The following PDE2A variants were observed in gnomAD, a reference collection of about 807,000 sequenced individuals.
PDE2A encodes the protein cGMP-dependent 3',5'-cyclic phosphodiesterase.
Under a neutral mutation model 133.6 loss-of-function variants are expected in PDE2A, and 53 were observed. That is an observed-to-expected ratio of 0.40 (90% confidence interval 0.32 to 0.50). The LOEUF is 0.50. PDE2A is among the 20% of genes least tolerant of loss of function. The probability of loss-of-function intolerance (pLI) is 0.73; values close to 1 mark genes in which losing one functional copy is unlikely to be tolerated. For synonymous variants in PDE2A, 491 were observed against 490.2 expected (o/e 1.00, Z -0.02); for missense variants, 796 against 1,232.4 (o/e 0.65, Z 5.30).
chr11:72,625,787 C>G (rs2047506), intron 2 of PDE2A, among the ~76,000 whole-genome samples: 23,384 of 152,246 alleles, frequency 0.15, 1,897 homozygotes, highest in Middle Eastern at 0.17. Flanking sequence ...AGACTCCCCC[C>G]AGCAAGGGCG....
Position 72,579,584 on chromosome 11 carries a change from C to G in PDE2A, c.2206G>C (p.Ala736Pro). The G allele has an allele frequency of 6.3e-7, 1 of 1,585,030 alleles. No individual in the cohort carries two copies. Among genetic ancestry groups the G allele is most frequent in the Non-Finnish European group, 8.6e-7 (1 of 1,163,872 alleles). Residue 736 changes from alanine to proline, a missense_variant, in exon 26 of 31, where the codon GCC (alanine) becomes CCC (proline). Ala to Pro is a conservative substitution (Grantham distance 27, BLOSUM62 -1). Around this residue, in one of 7 missense-constraint regions of PDE2A, gnomAD observed 218 missense variants for 465.9 expected, o/e 0.47. Transcript: ENST00000334456. ...TTGCAGCCGTGGGTGTTGAGGATGG[C>G]GATGGCCTGAGCAAAGTGGTGCCTC... is the stretch of plus-strand genomic sequence containing the variant. ...MERHHFAQAI[A>P]ILNTHGCNIF...
chr11:72,584,605 T>C lies in PDE2A; in HGVS notation c.1483A>G (p.Thr495Ala). The part of the protein sequence containing the change: ...PLFYRGVDDS[T>A]GFRTRNILCF... The stretch of plus-strand genomic sequence containing the variant: ...AGGATGTTGCGCGTGCGGAAGCCGG[T>C]GCTGTCGTCCACGCCGCGGTAGAAA... Residue 495 changes from threonine to alanine, a missense_variant, in exon 18 of 31, where the codon ACC becomes GCC. By Grantham distance (58) the Thr-to-Ala change is moderately conservative. This residue lies in a region of PDE2A where 218 missense variants were observed against 465.9 expected (regional missense o/e 0.47). Coordinates refer to ENST00000334456, the MANE Select transcript of PDE2A (RefSeq NM_002599.5). 6.2e-7 allele frequency: 1 copy of C among 1,612,762 alleles called. No homozygotes were observed. The highest frequency in any genetic ancestry group is 8.5e-7 in the Non-Finnish European group (1 of 1,180,016).
intron 2 of PDE2A, among the ~76,000 whole-genome samples, chr11:72,626,851 C>T (rs80204040): frequency 7.9e-5 from 12 of 152,288 alleles, no homozygotes; most frequent in Admixed American, 3.9e-4. Context: ...GTTTTGGAGC[C>T]GGGTTCTGAG....
At position 72,590,300 on chromosome 11, in the gene PDE2A, GTC is replaced by G; in HGVS notation, c.704-58_704-57del. 1 of 1,542,148 alleles carries G rather than the reference GTC, an allele frequency of 6.5e-7. No individual in the cohort carries two copies. Among genetic ancestry groups the G allele is most frequent in the Non-Finnish European group, 8.8e-7 (1 of 1,139,148 alleles). On this transcript the variant is annotated intron_variant, in intron 8 of 30. Coordinates refer to ENST00000334456, the MANE Select transcript of PDE2A (RefSeq NM_002599.5). This position sits in a 1 kb window ranked among gnomAD's most constrained non-coding sequence, Gnocchi z 4.8. ...GGCCCCTCCGCACCTCCGTGTCCGG[GTC>G]CCTCAGGCGCCGCTCAGCTCCGCGC...
chr11:72,617,724 G>T (rs939284828), intron 2 of PDE2A, among the ~76,000 whole-genome samples: 6 of 152,172 alleles, frequency 3.9e-5, no homozygotes, highest in Admixed American at 6.5e-5. Flanking sequence ...ACAGGCGGAG[G>T]CTGGAGAGGC....
chr11:72,599,980 G>C (rs1466712849), intron 4 of PDE2A, among the ~76,000 whole-genome samples: 3 of 152,256 alleles, frequency 2.0e-5, no homozygotes, highest in Non-Finnish European at 4.4e-5. Flanking sequence ...CTAAAGGACA[G>C]GCAGAGGTTA....
chr11:72,579,002 G>T lies in PDE2A; in HGVS notation c.2364C>A (p.Tyr788Ter). The T allele has an allele frequency of 6.2e-7, 1 of 1,609,722 alleles. No individual in the cohort carries two copies. Among genetic ancestry groups the T allele is most frequent in the Non-Finnish European group, 8.5e-7 (1 of 1,176,052 alleles). Residue 788 changes from tyrosine (Y) to a stop codon, truncating the protein, a stop_gained, in exon 28 of 31, where the codon TAC becomes TAA. Coordinates refer to ENST00000334456, the MANE Select transcript of PDE2A (RefSeq NM_002599.5). LOFTEE classifies it high-confidence loss of function. Reference sequence around the variant, plus strand: ...TGTGGTGCTGCTTGTTGTTTCGGTCGTAGCCCACTGTTGAGGGGAGGATGG... The same window carrying T: ...TGTGGTGCTGCTTGTTGTTTCGGTCTTAGCCCACTGTTGAGGGGAGGATGG... ...KDLQKMAEVG[Y>*]DRNNKQHHRL...
At chr11:72,666,878 G>A (rs1376119254) in intron 1 of PDE2A, among the ~76,000 whole-genome samples, 2 of 152,186 alleles carry the variant, frequency 1.3e-5, no homozygotes, top group South Asian at 2.1e-4. Flanking sequence ...GGCCAAGGTG[G>A]GTGGATCATT....
intron 2 of PDE2A, among the ~76,000 whole-genome samples, chr11:72,611,914 C>T (rs1418812672): frequency 6.6e-6 from 1 of 152,162 alleles, no homozygotes; most frequent in Non-Finnish European, 1.5e-5. Context: ...GCTCAAATTG[C>T]AAAGCCCATG....
In PDE2A at chr11:72,578,842, C is replaced by T. The variant is rs536397365; in HGVS notation, c.2469+55G>A. The T allele has an allele frequency of 1.3e-4, 149 of 1,137,496 alleles. No homozygotes were observed. The African/African-American group carries it at 1.8e-3, about 14-fold the overall frequency. The allele number at this position is 1,137,496 out of a possible 1,614,324, so 70.5% of individuals were successfully genotyped here. ...AGAGGGTATTCAGGCACAGGGGGCACCCAAAGCTGGGCAGGGTGGGCAGCC... is the reference window on the plus strand; with the variant it reads ...AGAGGGTATTCAGGCACAGGGGGCATCCAAAGCTGGGCAGGGTGGGCAGCC... On this transcript the variant is annotated intron_variant, in intron 28 of 30. Coordinates refer to ENST00000334456, the MANE Select transcript of PDE2A (RefSeq NM_002599.5). This position sits in a 1 kb window ranked among gnomAD's most constrained non-coding sequence, Gnocchi z 4.2.
intron 1 of PDE2A, among the ~76,000 whole-genome samples, chr11:72,648,340 G>C (rs775271383): frequency 1.3e-5 from 2 of 152,180 alleles, no homozygotes; most frequent in Non-Finnish European, 2.9e-5. Flanking sequence ...CTCTGTGTCC[G>C]CTGGCTATGG....
rs145571186 is a variant in PDE2A, at chr11:72,642,184, G to A, written c.144+70C>T. 2,069 of 1,370,858 alleles carry A rather than the reference G, an allele frequency of 1.5e-3. 28 individuals carry two copies. In the African/African-American group the frequency reaches 0.027, roughly 18 times the overall value. The allele number at this position is 1,370,858 out of a possible 1,614,324, so 84.9% of individuals were successfully genotyped here. ...TCTCCTCCCTGAGAAGGGTTCGGGGGCGGGCAGACCCGGCCCGGCGCTCGC... is the reference window on the plus strand; with the variant it reads ...TCTCCTCCCTGAGAAGGGTTCGGGGACGGGCAGACCCGGCCCGGCGCTCGC... On this transcript the variant is annotated intron_variant, in intron 2 of 30. Coordinates refer to ENST00000334456, the MANE Select transcript of PDE2A (RefSeq NM_002599.5).
chr11:72,584,518 G>A, intron 18 of PDE2A, 33 bp downstream of exon 18: 2 of 1,556,976 alleles, frequency 1.3e-6, no homozygotes, highest in Non-Finnish European at 1.7e-6. Flanking sequence ...CCCGGCGCAG[G>A]CCCCGCCCCT....
chr11:72,660,159 T>C lies in PDE2A; in HGVS notation c.71+13978A>G, dbSNP rs73529620. ...TTAATTGTCATGGTGGTTATGACCATATATATTTATCAAAACTCATTATAC... is the reference window on the plus strand; with the variant it reads ...TTAATTGTCATGGTGGTTATGACCACATATATTTATCAAAACTCATTATAC... On this transcript the variant is annotated intron_variant, in intron 1 of 30. Coordinates refer to ENST00000334456, the MANE Select transcript of PDE2A (RefSeq NM_002599.5). Among the ~76,000 whole-genome samples the C allele has an allele frequency of 7.8e-3, 1,190 of 152,366 alleles. 11 individuals are homozygous for C. The highest frequency in any genetic ancestry group is 0.027 in the African/African-American group (1,122 of 41,576).
At chr11:72,664,237 CA>C (rs1360483989) in intron 1 of PDE2A, among the ~76,000 whole-genome samples, 1 of 152,180 alleles carries the variant, frequency 6.6e-6, no homozygotes, top group Admixed American at 6.5e-5. Flanking sequence ...AGTAACTTGA[CA>C]TGTCCTGCTG....
intron 1 of PDE2A, among the ~76,000 whole-genome samples, chr11:72,644,781 G>A (rs1047985145): frequency 4.0e-5 from 6 of 149,222 alleles, no homozygotes; most frequent in East Asian, 2.0e-4. Flanking sequence ...TTTTTGAGAC[G>A]GAGTCTCGCT....
In PDE2A at chr11:72,626,157, T is replaced by A. The variant is rs372163390; in HGVS notation, c.144+16097A>T. Among the ~76,000 whole-genome samples, 50 of 152,358 alleles carry A rather than the reference T, an allele frequency of 3.3e-4. No homozygotes were observed. In the South Asian group the frequency reaches 0.01, roughly 32 times the overall value. On this transcript the variant is annotated intron_variant, in intron 2 of 30. Coordinates refer to ENST00000334456, the MANE Select transcript of PDE2A (RefSeq NM_002599.5). ...AGCATGTGTCTTCTCTGGGTATAAG[T>A]CCCCGGTGCTTTATGCCTCCTCCTT...
intron 25 of PDE2A, 87 bp from the exon 26 acceptor site, chr11:72,579,695 C>T: frequency 1.1e-6 from 1 of 891,054 alleles, no homozygotes; most frequent in Non-Finnish European, 1.8e-6. Flanking sequence ...GGGCCTCGTC[C>T]AGCTCCAGCC....
intron 5 of PDE2A, 31 bp from the exon 6 acceptor site, chr11:72,596,679 G>A: frequency 7.2e-7 from 1 of 1,380,970 alleles, no homozygotes; most frequent in Non-Finnish European, 9.5e-7. Flanking sequence ...AGGTGCTCCT[G>A]CAGGGCTGGC....
Sources: gnomAD v4.1 joint callset for allele counts (sites outside exome capture counted in the v4.1 genomes callset) on GRCh38, gnomAD v4.1.1 for gene constraint, gnomAD v4.1.1 regional missense constraint, Gnocchi (gnomAD v3.1) non-coding constraint, MANE v1.5 for transcripts, NCBI Gene and HGNC (gene_info 2026-07-23, HGNC 2026-07-21) for gene names.